The following LCLAT1 variants were observed in gnomAD, a reference collection of about 807,000 sequenced individuals.
LCLAT1 encodes the protein 1-AGP acyltransferase 8.
A neutral mutation model predicts 30.7 loss-of-function variants in LCLAT1; 11 were observed. The ratio of observed to expected loss-of-function variants is 0.36; its 90% CI spans 0.23 to 0.59. The LOEUF is 0.59. LCLAT1 is among the 20% of genes least tolerant of loss of function. The pLI is 0.77. For missense variants in LCLAT1, 402 were observed against 458.6 expected, an observed-to-expected ratio of 0.88 and a Z score of 1.13; for synonymous variants, 155 against 151.3, an observed-to-expected ratio of 1.02 and a Z score of -0.18.
chr2:30,516,901 A>G (rs1174902232), intron 1 of LCLAT1, among the ~76,000 whole-genome samples: 1 of 152,146 alleles, frequency 6.6e-6, no homozygotes, highest in Non-Finnish European at 1.5e-5. Context: ...AACAGCCCCC[A>G]TCTGAGTTGG....
chr2:30,549,439 T>C (rs1664580402), intron 3 of LCLAT1, among the ~76,000 whole-genome samples: 1 of 152,206 alleles, frequency 6.6e-6, no homozygotes, highest in African/African-American at 2.4e-5. Context: ...ATTCTAAAAT[T>C]ATCTAAAAGA....
chr2:30,592,859 A>G (rs969150643), intron 5 of LCLAT1, among the ~76,000 whole-genome samples: 1 of 152,198 alleles, frequency 6.6e-6, no homozygotes, highest in African/African-American at 2.4e-5. Flanking sequence ...ACTGTATACA[A>G]TGTGTAACAA....
chr2:30,550,050 T>C (rs1055422014), intron 3 of LCLAT1, among the ~76,000 whole-genome samples: 4 of 152,194 alleles, frequency 2.6e-5, no homozygotes, highest in Non-Finnish European at 5.9e-5. Flanking sequence ...TATGGTATAG[T>C]AAGCGAATTC....
intron 5 of LCLAT1, among the ~76,000 whole-genome samples, chr2:30,585,167 C>A (rs1230814210): frequency 6.6e-6 from 1 of 152,120 alleles, no homozygotes; most frequent in Non-Finnish European, 1.5e-5. Flanking sequence ...TGTCTCCTGA[C>A]TCCATGCCTC....
At position 30,461,502 on chromosome 2, in the gene LCLAT1, C is replaced by A. The variant is rs114058973; in HGVS notation, c.-5+14119C>A. On this transcript the variant is annotated intron_variant, in intron 1 of 5. Coordinates refer to ENST00000379509, the MANE Select transcript of LCLAT1 (RefSeq NM_001002257.3). ...TCTTGAACTCCTAGGCTGAAGCGGTCCTCCTGCCTCAGCCTCCTGAGTGGC... is the reference window on the plus strand; with the variant it reads ...TCTTGAACTCCTAGGCTGAAGCGGTACTCCTGCCTCAGCCTCCTGAGTGGC... 4.4e-3 allele frequency among the ~76,000 whole-genome samples: 664 copies of A among 152,188 alleles called. 6 individuals are homozygous for A. Among genetic ancestry groups the A allele is most frequent in the African/African-American group, 0.015 (632 of 41,530 alleles).
chr2:30,590,321 A>AG (rs921200867), intron 5 of LCLAT1, among the ~76,000 whole-genome samples: 1 of 98,480 alleles, frequency 1.0e-5, no homozygotes, highest in Admixed American at 1.1e-4. Flanking sequence ...GGCTTTTGAT[A>AG]GATTTTTTTT....
chr2:30,609,643 C>T (rs1667634885), intron 5 of LCLAT1, among the ~76,000 whole-genome samples: 1 of 152,126 alleles, frequency 6.6e-6, no homozygotes, highest in Non-Finnish European at 1.5e-5. Context: ...ATGTGTTATA[C>T]CAGGATAGCC....
intron 1 of LCLAT1, among the ~76,000 whole-genome samples, chr2:30,521,003 G>C (rs1685443257): frequency 1.3e-5 from 2 of 152,136 alleles, no homozygotes; most frequent in Non-Finnish European, 2.9e-5. Context: ...CACAGGATGA[G>C]ATAGGAGGTC....
chr2:30,452,717 T>C (rs1681620668), intron 1 of LCLAT1, among the ~76,000 whole-genome samples: 2 of 152,252 alleles, frequency 1.3e-5, no homozygotes, highest in African/African-American at 2.4e-5. Flanking sequence ...TGTGAGGCAC[T>C]AATTGCTATT....
chr2:30,573,662 G>C (rs1665878545), intron 5 of LCLAT1, among the ~76,000 whole-genome samples: 1 of 152,132 alleles, frequency 6.6e-6, no homozygotes. Context: ...AAGCCTTCCT[G>C]ATTTTCTTTG....
chr2:30,599,898 T>C (rs913200893), intron 5 of LCLAT1, among the ~76,000 whole-genome samples: 2 of 152,198 alleles, frequency 1.3e-5, no homozygotes, highest in African/African-American at 2.4e-5. Flanking sequence ...GTCTTTTAAT[T>C]GGGGCATTTA....
chr2:30,604,954 C>T (rs1421394975), intron 5 of LCLAT1, among the ~76,000 whole-genome samples: 1 of 152,140 alleles, frequency 6.6e-6, no homozygotes, highest in African/African-American at 2.4e-5. Context: ...GTGTCCTTGC[C>T]GCCCCCACAC....
At chr2:30,597,839 G>A (rs1468062799) in intron 5 of LCLAT1, among the ~76,000 whole-genome samples, 1 of 152,160 alleles carries the variant, frequency 6.6e-6, no homozygotes, top group Non-Finnish European at 1.5e-5. Context: ...CTAGTTTATT[G>A]AGAGTTTTGA....
chr2:30,626,043 T>C (rs1242542623), intron 5 of LCLAT1, among the ~76,000 whole-genome samples: 1 of 152,202 alleles, frequency 6.6e-6, no homozygotes, highest in African/African-American at 2.4e-5. Context: ...GCTCTGTAGA[T>C]AATTTGTGGC....
intron 5 of LCLAT1, among the ~76,000 whole-genome samples, chr2:30,580,662 C>T (rs1374243886): frequency 2.0e-5 from 3 of 152,064 alleles, no homozygotes; most frequent in Non-Finnish European, 2.9e-5. Flanking sequence ...AGAAGAACAG[C>T]TGAACGTGAA....
intron 5 of LCLAT1, chr2:30,606,030 G>T: frequency 7.7e-7 from 1 of 1,298,984 alleles, no homozygotes; most frequent in Non-Finnish European, 1.0e-6. Context: ...GAGGCAGAGC[G>T]AGGGAAGTAA....
intron 5 of LCLAT1, among the ~76,000 whole-genome samples, chr2:30,621,986 C>T (rs1668274248): frequency 6.6e-6 from 1 of 152,142 alleles, no homozygotes. Flanking sequence ...ACCTGAAAGC[C>T]CTGCTTGCTT....
chr2:30,586,985 T>A (rs1006200648), intron 5 of LCLAT1, among the ~76,000 whole-genome samples: 3 of 152,236 alleles, frequency 2.0e-5, no homozygotes, highest in African/African-American at 7.2e-5. Context: ...CATCACACCC[T>A]TATTCCCTAA....
At chr2:30,471,208 G>A (rs1284479567) in intron 1 of LCLAT1, among the ~76,000 whole-genome samples, 2 of 150,202 alleles carry the variant, frequency 1.3e-5, no homozygotes, top group East Asian at 2.0e-4. Flanking sequence ...CACTGCACCC[G>A]GCCTATTTAT....
Sources: gnomAD v4.1 joint callset for allele counts (sites outside exome capture counted in the v4.1 genomes callset) on GRCh38, gnomAD v4.1.1 for gene constraint, MANE v1.5 for transcripts, NCBI Gene and HGNC (gene_info 2026-07-23, HGNC 2026-07-21) for gene names.